Variants in OTC observed in about 807,000 individuals in gnomAD.
OTC encodes ornithine transcarbamylase.
Under a neutral mutation model 30.3 loss-of-function variants are expected in OTC, and 3 were observed. That is an observed-to-expected ratio of 0.10 (90% CI 0.05 to 0.26). OTC has a LOEUF of 0.26. OTC is among the 10% of genes least tolerant of loss of function. The probability of loss-of-function intolerance (pLI) is 1.00; values close to 1 mark genes in which losing one functional copy is unlikely to be tolerated. For missense variants in OTC, 194 were observed against 260.3 expected (o/e 0.75, Z 1.75); for synonymous variants, 111 against 99.7 (o/e 1.11, Z -0.67).
intron 9 of OTC, among the ~76,000 whole-genome samples, chrX:38,420,546 T>C (rs1011779204): frequency 1.8e-5 from 2 of 111,160 alleles, no homozygotes; most frequent in African/African-American, 6.5e-5. Context: ...GAGATAATAC[T>C]CTTTCAGGAA....
At chrX:38,343,361 T>C in the OTC span, among the ~76,000 whole-genome samples, 1 of 111,899 alleles carries the variant, frequency 8.9e-6, no homozygotes, top group South Asian at 3.7e-4. Flanking sequence ...ATCTCCTTTA[T>C]GCAGTTTAAC....
intron 9 of OTC, among the ~76,000 whole-genome samples, chrX:38,416,520 C>T (rs1459195078): frequency 8.9e-6 from 1 of 112,037 alleles, no homozygotes; most frequent in Non-Finnish European, 1.9e-5. Flanking sequence ...CTTCAAAGCA[C>T]TGTTATCCAC....
chrX:38,339,508 A>G, the OTC span, among the ~76,000 whole-genome samples: 5 of 100,922 alleles, frequency 5.0e-5, no homozygotes, highest in African/African-American at 1.1e-4. Context: ...CCACCTAGGT[A>G]CTAAGCCTAG....
At chrX:38,396,415 GTAAT>G (rs2068457430) in intron 4 of OTC, among the ~76,000 whole-genome samples, 1 of 111,822 alleles carries the variant, frequency 8.9e-6, no homozygotes, top group African/African-American at 3.2e-5. Context: ...GCATTGTGTT[GTAAT>G]TAATTAGTTA....
chrX:38,352,597 G>A (rs368806417), upstream of OTC: 32 of 624,048 alleles, frequency 5.1e-5, no homozygotes, highest in South Asian at 6.4e-4. Flanking sequence ...CTCCCTCACT[G>A]CAACTGAACA....
chrX:38,359,918 T>C (rs1318973795), intron 1 of OTC, among the ~76,000 whole-genome samples: 14 of 106,272 alleles, frequency 1.3e-4, no homozygotes, highest in East Asian at 2.9e-4. Context: ...TTCTTTCTTT[T>C]TTTTTTTTTT....
At chrX:38,328,671 G>A in the OTC span, among the ~76,000 whole-genome samples, 1 of 112,175 alleles carries the variant, frequency 8.9e-6, no homozygotes, top group Non-Finnish European at 1.9e-5. Context: ...TAAAGACAAT[G>A]TGAAACCACT....
At chrX:38,351,716 A>C (rs5963409), upstream of OTC, among the ~76,000 whole-genome samples, 1 of 110,403 alleles carries the variant, frequency 9.1e-6, no homozygotes, top group Non-Finnish European at 1.9e-5. Context: ...ACTGACTGTC[A>C]GGTGCTGTTA....
chrX:38,349,207 G>T (rs2068203132), upstream of OTC, among the ~76,000 whole-genome samples: 1 of 111,865 alleles, frequency 8.9e-6, no homozygotes, highest in Non-Finnish European at 1.9e-5. Flanking sequence ...AATGAGACAG[G>T]GAAGGGAAGG....
At chrX:38,389,223 T>C (rs2068419152) in intron 4 of OTC, among the ~76,000 whole-genome samples, 1 of 111,903 alleles carries the variant, frequency 8.9e-6, no homozygotes, top group South Asian at 3.7e-4. Flanking sequence ...TAGGTAGACA[T>C]GAATTTTGGG....
intron 2 of OTC, 43 bp from the exon 3 acceptor site, chrX:38,369,753 A>G (rs779434910): frequency 5.8e-6 from 4 of 692,650 alleles, no homozygotes; most frequent in East Asian, 3.6e-5. Context: ...CATAATTTAT[A>G]TATAAGATAT....
intron 3 of OTC, among the ~76,000 whole-genome samples, chrX:38,375,183 A>G (rs1446935641): frequency 8.9e-6 from 1 of 112,213 alleles, no homozygotes; most frequent in Non-Finnish European, 1.9e-5. Flanking sequence ...TACACAGACA[A>G]TAAACAACAG....
chrX:38,358,867 C>T (rs1353464611), intron 1 of OTC, among the ~76,000 whole-genome samples: 4 of 110,402 alleles, frequency 3.6e-5, no homozygotes, highest in African/African-American at 1.3e-4. Context: ...GGTGATCCAG[C>T]TGCCTCAGCC....
chrX:38,337,612 C>T, the OTC span, among the ~76,000 whole-genome samples: 34 of 111,745 alleles, frequency 3.0e-4, no homozygotes, highest in African/African-American at 9.5e-4. Flanking sequence ...GAGCGTTTGC[C>T]GTATTCACCG....
At chrX:38,368,289 G>A (rs984214732) in intron 2 of OTC, among the ~76,000 whole-genome samples, 4 of 111,627 alleles carry the variant, frequency 3.6e-5, no homozygotes, top group Non-Finnish European at 7.5e-5. Context: ...GAACCCAGGA[G>A]GCGGAGGTTG....
chrX:38,369,823 T>C lies in OTC; in HGVS notation c.244T>C (p.Leu82=), dbSNP rs1356711812. The C allele has an allele frequency of 1.7e-6, 2 of 1,201,042 alleles. No homozygotes were observed. The highest frequency in any genetic ancestry group is 2.3e-6 in the Non-Finnish European group (2 of 885,899). ...TTTGCCTTTATTGCAAGGGAAGTCCTTAGGCATGATTTTTGAGAAAAGAAG... is the reference window on the plus strand; with the variant it reads ...TTTGCCTTTATTGCAAGGGAAGTCCCTAGGCATGATTTTTGAGAAAAGAAG... ...EYLPLLQGKS[L]GMIFEKRSTR... The change falls in exon 3 of 10, where the codon TTA becomes CTA. Residue 82 remains leucine (L), a synonymous_variant. Transcript: ENST00000039007.
At position 38,394,067 on chromosome X, in the gene OTC, T is replaced by G. The variant is rs182738175; in HGVS notation, c.387-7208T>G. 5.3e-5 allele frequency among the ~76,000 whole-genome samples: 6 copies of G among 112,451 alleles called. No individual in the cohort carries two copies. In the Admixed American group the frequency reaches 5.7e-4, roughly 11 times the overall value. On this transcript the variant is annotated intron_variant, in intron 4 of 9. Transcript: ENST00000039007. ...ATCACTAACTTATGAATATGAATCT[T>G]CAAAATTCCTTTTGTCAAGTAAAGC...
At chrX:38,362,214 A>G (rs1262634805) in intron 1 of OTC, among the ~76,000 whole-genome samples, 1 of 112,037 alleles carries the variant, frequency 8.9e-6, no homozygotes, top group Admixed American at 9.5e-5. Context: ...CTGCTGTGCA[A>G]CATAGTGCCT....
the OTC span, among the ~76,000 whole-genome samples, chrX:38,337,495 C>A: frequency 3.6e-5 from 4 of 111,571 alleles, no homozygotes; most frequent in Non-Finnish European, 7.5e-5. Flanking sequence ...AATATCTGGC[C>A]AAACCATTAA....
Sources: allele counts gnomAD v4.1 joint callset (sites outside exome capture counted in the v4.1 genomes callset), GRCh38; gene constraint gnomAD v4.1.1; transcripts MANE v1.5; gene names NCBI Gene and HGNC (gene_info 2026-07-23, HGNC 2026-07-21).